Variants in GALNT2 observed in about 807,000 individuals in gnomAD.
GALNT2 encodes UDP-GalNAc:polypeptide N-acetylgalactosaminyltransferase 2.
GALNT2 carries 31 observed loss-of-function variants against 81.4 expected under a neutral mutation model. The ratio of observed to expected loss-of-function variants is 0.38; its 90% confidence interval spans 0.29 to 0.51. The LOEUF is 0.51. Among genes scored for constraint, GALNT2 ranks in the 20% least tolerant of loss-of-function variants. GALNT2 has a pLI of 0.87. For synonymous variants in GALNT2, 303 were observed against 287.4 expected (o/e 1.05, Z -0.55); for missense variants, 629 against 765.7 (o/e 0.82, Z 2.11).
At chr1:230,110,847 G>A (rs74145444) in intron 1 of GALNT2, among the ~76,000 whole-genome samples, 2 of 151,958 alleles carry the variant, frequency 1.3e-5, no homozygotes, top group South Asian at 2.1e-4. Context: ...CTGGGGAGGC[G>A]TGGAGTATAT....
chr1:230,184,464 C>T (rs896155099), intron 2 of GALNT2, among the ~76,000 whole-genome samples: 2 of 152,044 alleles, frequency 1.3e-5, no homozygotes, highest in African/African-American at 2.4e-5. Context: ...GCTGGGATTA[C>T]AGGCGTGAGC....
chr1:230,091,045 C>T (rs747449279), intron 1 of GALNT2, among the ~76,000 whole-genome samples: 1 of 151,610 alleles, frequency 6.6e-6, no homozygotes, highest in Non-Finnish European at 1.5e-5. Context: ...TGTGTGTACT[C>T]CGCAGACCTT....
At chr1:230,183,449 T>TA (rs914910317) in intron 2 of GALNT2, among the ~76,000 whole-genome samples, 5 of 151,618 alleles carry the variant, frequency 3.3e-5, no homozygotes, top group East Asian at 1.9e-4. Context: ...TTATGTGTCT[T>TA]AAAAAAAAAT....
chr1:230,276,026 C>CAT (rs1180328515), intron 15 of GALNT2, among the ~76,000 whole-genome samples: 1 of 60,360 alleles, frequency 1.7e-5, no homozygotes, highest in Non-Finnish European at 3.1e-5. Context: ...ATACATGCCA[C>CAT]ATATATATAC....
At chr1:230,194,472 AG>A (rs1663625373) in intron 2 of GALNT2, among the ~76,000 whole-genome samples, 1 of 152,212 alleles carries the variant, frequency 6.6e-6, no homozygotes. Context: ...TCTCTCCCAG[AG>A]GCAGAAGAAT....
chr1:230,064,852 T>A (rs1408488090), upstream of GALNT2, among the ~76,000 whole-genome samples: 1 of 152,234 alleles, frequency 6.6e-6, no homozygotes, highest in Non-Finnish European at 1.5e-5. Context: ...GCTCCACTGT[T>A]GCCTGGCTTT....
At chr1:230,144,730 T>G (rs1661860336) in intron 1 of GALNT2, among the ~76,000 whole-genome samples, 1 of 152,106 alleles carries the variant, frequency 6.6e-6, no homozygotes, top group Non-Finnish European at 1.5e-5. Context: ...GATGCTTACT[T>G]CAAAGTAAGT....
chr1:230,061,988 C>T (rs139895585), intron 1 of GALNT2, among the ~76,000 whole-genome samples: 100 of 152,300 alleles, frequency 6.6e-4, no homozygotes, highest in African/African-American at 2.3e-3. Flanking sequence ...TTTCATTTAA[C>T]AAAATATCCT....
chr1:230,116,993 T>C (rs887789513), intron 1 of GALNT2, among the ~76,000 whole-genome samples: 1 of 152,354 alleles, frequency 6.6e-6, no homozygotes, highest in African/African-American at 2.4e-5. Flanking sequence ...TAGTCCTAGA[T>C]GGCATCTTCT....
chr1:230,132,994 G>A (rs888410298), intron 1 of GALNT2, among the ~76,000 whole-genome samples: 14 of 152,184 alleles, frequency 9.2e-5, no homozygotes, highest in African/African-American at 3.1e-4. Context: ...TCCCCACCAC[G>A]GTGCCTTCTA....
intron 1 of GALNT2, among the ~76,000 whole-genome samples, chr1:230,133,029 A>G (rs559222330): frequency 6.6e-6 from 1 of 152,310 alleles, no homozygotes; most frequent in African/African-American, 2.4e-5. Flanking sequence ...TGGTTTTTTA[A>G]TATACTCGTG....
chr1:230,206,350 G>A (rs926942233), intron 3 of GALNT2, among the ~76,000 whole-genome samples: 5 of 152,036 alleles, frequency 3.3e-5, no homozygotes, highest in African/African-American at 9.7e-5. Context: ...AGTGTGGGAT[G>A]CATTTTAGGT....
chr1:230,084,193 C>T lies in GALNT2; in HGVS notation c.126+16787C>T, dbSNP rs548550556. On this transcript the variant is annotated intron_variant, in intron 1 of 15. Transcript: ENST00000366672. ...CCCACAGCAGGGAGACAGTGGGGAG[C>T]CAGGCTAACATGGGCCCAGGGATGT... Among the ~76,000 whole-genome samples, 5 of 152,262 alleles carry T rather than the reference C, an allele frequency of 3.3e-5. No homozygotes were observed. The East Asian group carries it at 9.7e-4, about 29-fold the overall frequency.
At chr1:230,249,340 C>T in intron 9 of GALNT2, 69 bp downstream of exon 9, 1 of 1,418,858 alleles carries the variant, frequency 7.0e-7, no homozygotes, top group Non-Finnish European at 9.8e-7. Context: ...TTTGCTGGGC[C>T]CGCACCGCCT....
chr1:230,254,107 T>G (rs1301504913), intron 10 of GALNT2, among the ~76,000 whole-genome samples: 1 of 152,216 alleles, frequency 6.6e-6, no homozygotes, highest in Non-Finnish European at 1.5e-5. Context: ...AGAAAAACTG[T>G]TTTTTGCCTT....
intron 1 of GALNT2, among the ~76,000 whole-genome samples, chr1:230,089,241 G>T (rs199836088): frequency 1.3e-5 from 2 of 151,560 alleles, no homozygotes; most frequent in East Asian, 3.9e-4. Context: ...CCGCCTCCCG[G>T]GTTCAAGCGA....
chr1:230,093,030 G>A (rs2102768653), intron 1 of GALNT2, among the ~76,000 whole-genome samples: 1 of 152,234 alleles, frequency 6.6e-6, no homozygotes, highest in South Asian at 2.1e-4. Flanking sequence ...CCATCTATAG[G>A]TCAAGAACCT....
In GALNT2 at chr1:230,078,755, C is replaced by CAGTAGGGA. The variant is rs534682369; in HGVS notation, c.126+11349_126+11350insAGTAGGGA. On this transcript the variant is annotated intron_variant, in intron 1 of 15. Coordinates refer to ENST00000366672, the MANE Select transcript of GALNT2 (RefSeq NM_004481.5). ...CTGCCTAAGCAGACTGCCCGGTGGA[C>CAGTAGGGA]CAAAGACCCTGTTACCCACCAGAGT... is the stretch of plus-strand genomic sequence containing the variant. Among the ~76,000 whole-genome samples, 279 of 152,308 alleles carry CAGTAGGGA rather than the reference C, an allele frequency of 1.8e-3. 1 individual carries two copies. In the Middle Eastern group the frequency reaches 0.024, roughly 13 times the overall value.
At chr1:230,189,107 ACC>A (rs1312817870) in intron 2 of GALNT2, among the ~76,000 whole-genome samples, 1 of 152,110 alleles carries the variant, frequency 6.6e-6, no homozygotes, top group Non-Finnish European at 1.5e-5. Context: ...GAGATCTCTC[ACC>A]CTTTGGTCAA....
Sources: gnomAD v4.1 joint callset for allele counts (sites outside exome capture counted in the v4.1 genomes callset) on GRCh38, gnomAD v4.1.1 for gene constraint, MANE v1.5 for transcripts, NCBI Gene and HGNC (gene_info 2026-07-23, HGNC 2026-07-21) for gene names.